The following CLMP variants were observed in gnomAD, a reference collection of about 807,000 sequenced individuals.
CLMP encodes CXADR like cell adhesion molecule, also known as CXADR-like membrane protein.
A neutral mutation model predicts 45.2 loss-of-function variants in CLMP; 27 were observed. The observed-to-expected ratio is 0.60, with a 90% CI of 0.44 to 0.82. The LOEUF (loss-of-function observed/expected upper bound fraction) is 0.82, where lower values mean the gene tolerates loss of function less well. CLMP is among the 40% of genes least tolerant of loss of function. The probability of loss-of-function intolerance (pLI) is 0.00; values close to 1 mark genes in which losing one functional copy is unlikely to be tolerated. For synonymous variants in CLMP, 167 were observed against 171.4 expected (o/e 0.97, Z 0.20); for missense variants, 403 against 448.4 (o/e 0.90, Z 0.91).
At chr11:123,177,688 C>T (rs925444124) in intron 1 of CLMP, among the ~76,000 whole-genome samples, 22 of 152,060 alleles carry the variant, frequency 1.4e-4, no homozygotes, top group African/African-American at 5.3e-4. Flanking sequence ...TGTGCCCAGC[C>T]TTGAGATGCC....
rs201134373 is a variant in CLMP at position 123,083,116 on chromosome 11, C to G, written c.648G>C (p.Lys216Asn). The part of the protein sequence containing the change: ...YQCTAGNEAG[K>N]ESCVVRVTVQ... ...CAGTTACTCGCACCACACAGCTTTC[C>G]TTCCCAGCTTCGTTGCCTGCTGTGC... Residue 216 changes from lysine to asparagine, a missense_variant, in exon 5 of 7, where the codon AAG becomes AAC. Coordinates refer to ENST00000448775, the MANE Select transcript of CLMP (RefSeq NM_024769.5). The G allele has an allele frequency of 6.2e-7, 1 of 1,614,086 alleles. No homozygotes were observed. The highest frequency in any genetic ancestry group is 8.5e-7 in the Non-Finnish European group (1 of 1,180,042).
rs1865715524 is a variant in CLMP at position 123,074,755 on chromosome 11, G to C, written c.768C>G (p.Ile256Met). 6.2e-7 allele frequency: 1 copy of C among 1,613,910 alleles called. No individual in the cohort carries two copies. The highest frequency in any genetic ancestry group is 1.3e-5 in the African/African-American group (1 of 74,864). ...CATATCTTTCTTTGTCTTTCCTTCG[G>C]ATTAGCAGCCACACCAAGAGGAAAA... is the stretch of plus-strand genomic sequence containing the variant. ...LLIFLLVWLLIRRKDKERYEE... is the reference protein window; with the variant it reads ...LLIFLLVWLLMRRKDKERYEE... The change falls in exon 6 of 7, where the codon ATC becomes ATG. Residue 256 changes from isoleucine to methionine, a missense_variant. Transcript: ENST00000448775.
intron 1 of CLMP, among the ~76,000 whole-genome samples, chr11:123,189,959 G>A (rs1861884976): frequency 6.8e-6 from 1 of 147,396 alleles, no homozygotes; most frequent in Non-Finnish European, 1.5e-5. Context: ...TGGAGACTGT[G>A]CCACTGCACT....
intron 1 of CLMP, among the ~76,000 whole-genome samples, chr11:123,151,103 A>G (rs1474439015): frequency 6.6e-6 from 1 of 152,200 alleles, no homozygotes; most frequent in African/African-American, 2.4e-5. Flanking sequence ...CAGTGATGTG[A>G]GAATGGCAGC....
At chr11:123,096,307 T>C (rs963758673) in intron 2 of CLMP, among the ~76,000 whole-genome samples, 1 of 152,056 alleles carries the variant, frequency 6.6e-6, no homozygotes, top group Non-Finnish European at 1.5e-5. Context: ...TGAGCTGAGA[T>C]GGCACCACAG....
intron 1 of CLMP, among the ~76,000 whole-genome samples, chr11:123,168,920 G>T (rs117854606): frequency 1.3e-5 from 2 of 152,150 alleles, no homozygotes; most frequent in Non-Finnish European, 2.9e-5. Flanking sequence ...AGAACGTGCG[G>T]CATCCAAGCA....
intron 1 of CLMP, among the ~76,000 whole-genome samples, chr11:123,117,914 CTT>C (rs1860739376): frequency 6.6e-6 from 1 of 152,172 alleles, no homozygotes; most frequent in Non-Finnish European, 1.5e-5. Context: ...AATTCACTCT[CTT>C]TATGGCATTT....
chr11:123,122,370 C>G (rs961456924), intron 1 of CLMP, among the ~76,000 whole-genome samples: 1 of 152,062 alleles, frequency 6.6e-6, no homozygotes, highest in Non-Finnish European at 1.5e-5. Flanking sequence ...TTTTATCCTC[C>G]CACTTCCCCT....
intron 1 of CLMP, among the ~76,000 whole-genome samples, chr11:123,186,076 C>T (rs1191999359): frequency 6.6e-6 from 1 of 152,172 alleles, no homozygotes; most frequent in Non-Finnish European, 1.5e-5. Context: ...CAGATCAGTG[C>T]TGAAGAGGGC....
At chr11:123,150,480 A>AAAGAAAGAAAGAAAGAAAAAGG (rs764502298) in intron 1 of CLMP, among the ~76,000 whole-genome samples, 28 of 40,988 alleles carry the variant, frequency 6.8e-4, no homozygotes, top group Admixed American at 2.4e-3. Context: ...AGAAAGAAAG[A>AAAGAAAGAAAGAAAGAAAAAGG]AAGGAAGGAA....
At chr11:123,183,585 T>C (rs1004893572) in intron 1 of CLMP, among the ~76,000 whole-genome samples, 1 of 152,154 alleles carries the variant, frequency 6.6e-6, no homozygotes, top group Non-Finnish European at 1.5e-5. Context: ...ACCAATTAAA[T>C]GGCTTTCTTG....
chr11:123,183,586 G>A (rs1447412984), intron 1 of CLMP, among the ~76,000 whole-genome samples: 1 of 152,118 alleles, frequency 6.6e-6, no homozygotes, highest in African/African-American at 2.4e-5. Flanking sequence ...CCAATTAAAT[G>A]GCTTTCTTGG....
chr11:123,193,071 A>C (rs538893980), intron 1 of CLMP: 1 of 152,314 alleles, frequency 6.6e-6, no homozygotes, highest in East Asian at 1.9e-4. Context: ...GAGATCGAAG[A>C]GCCAGCCAGG....
chr11:123,126,349 A>G (rs1591468501), intron 1 of CLMP, among the ~76,000 whole-genome samples: 1 of 152,198 alleles, frequency 6.6e-6, no homozygotes, highest in African/African-American at 2.4e-5. Context: ...GAGACATGCA[A>G]ATTCTCTGGG....
At chr11:123,157,281 G>A (rs10400227) in intron 1 of CLMP, among the ~76,000 whole-genome samples, 27,700 of 152,042 alleles carry the variant, frequency 0.18, 2,693 homozygotes, top group South Asian at 0.25. Context: ...AGGGCGTGGC[G>A]TGGTGGCTTA....
chr11:123,130,995 A>G (rs1479207849), intron 1 of CLMP, among the ~76,000 whole-genome samples: 1 of 151,808 alleles, frequency 6.6e-6, no homozygotes, highest in Non-Finnish European at 1.5e-5. Flanking sequence ...GGTGTGCACC[A>G]CCATGCCTGG....
intron 2 of CLMP, among the ~76,000 whole-genome samples, chr11:123,090,241 TGA>T (rs529970305): frequency 1.1e-3 from 165 of 147,440 alleles, no homozygotes; most frequent in African/African-American, 3.8e-3. Context: ...GTCAGGAGAT[TGA>T]GACCAGCCTG....
rs190170315 is a variant in CLMP, at chr11:123,128,380, G to A, written c.29-30428C>T. On this transcript the variant is annotated intron_variant, in intron 1 of 6. Transcript: ENST00000448775. The stretch of plus-strand genomic sequence containing the variant: ...GGCCCAGGCCTGTAATGCCAGCATG[G>A]TAGCTCAGGCCTGTAATCCTGGCAT... 3.2e-3 allele frequency among the ~76,000 whole-genome samples: 362 copies of A among 114,780 alleles called. 1 individual carries two copies. Among genetic ancestry groups the A allele is most frequent in the Non-Finnish European group, 3.5e-3 (199 of 56,432 alleles). 75.3% of individuals were successfully genotyped at this position (114,780 alleles called of 152,430 possible).
intron 1 of CLMP, among the ~76,000 whole-genome samples, chr11:123,105,267 T>G (rs907868833): frequency 6.6e-6 from 1 of 152,192 alleles, no homozygotes; most frequent in African/African-American, 2.4e-5. Context: ...AGAAGGGACT[T>G]TTTCTCACAT....
Sources: allele counts gnomAD v4.1 joint callset (sites outside exome capture counted in the v4.1 genomes callset), GRCh38; gene constraint gnomAD v4.1.1; transcripts MANE v1.5; gene names NCBI Gene and HGNC (gene_info 2026-07-23, HGNC 2026-07-21).